The following NYAP2 variants were observed in gnomAD, a reference collection of about 807,000 sequenced individuals.
The protein encoded by NYAP2 is neuronal tyrosine-phosphorylated phosphoinositide-3-kinase adaptor 2.
Under a neutral mutation model 50.4 loss-of-function variants are expected in NYAP2, and 23 were observed. That is an observed-to-expected ratio of 0.46 (90% CI 0.33 to 0.65). The LOEUF is 0.65. Ranked by LOEUF, NYAP2 falls within the 30% of genes least tolerant of loss-of-function variation. The pLI is 0.02. For missense variants in NYAP2, 885 were observed against 861.0 expected (o/e 1.03, Z -0.35); for synonymous variants, 394 against 365.2 (o/e 1.08, Z -0.90).
chr2:225,427,831 A>C (rs751268975), intron 3 of NYAP2, among the ~76,000 whole-genome samples: 56 of 152,168 alleles, frequency 3.7e-4, no homozygotes, highest in Non-Finnish European at 6.9e-4. Context: ...AATAACCTGG[A>C]AGATTTGTAA....
At chr2:225,619,243 T>C (rs968275974) in intron 5 of NYAP2, among the ~76,000 whole-genome samples, 2 of 152,224 alleles carry the variant, frequency 1.3e-5, no homozygotes, top group African/African-American at 2.4e-5. Flanking sequence ...AAGTAGCAAA[T>C]ACATGGCATG....
At chr2:225,483,408 C>T (rs1356119226) in intron 3 of NYAP2, among the ~76,000 whole-genome samples, 1 of 152,090 alleles carries the variant, frequency 6.6e-6, no homozygotes, top group Middle Eastern at 3.4e-3. Context: ...ATCCAAAATC[C>T]CTGCCCTGGT....
intron 4 of NYAP2, among the ~76,000 whole-genome samples, chr2:225,517,901 C>A (rs765204532): frequency 1.3e-5 from 2 of 151,990 alleles, no homozygotes; most frequent in Non-Finnish European, 2.9e-5. Context: ...ATTAAGATAG[C>A]CATTAAGGAA....
At chr2:225,555,603 C>CT (rs1379644543) in intron 4 of NYAP2, among the ~76,000 whole-genome samples, 1 of 152,166 alleles carries the variant, frequency 6.6e-6, no homozygotes, top group Non-Finnish European at 1.5e-5. Context: ...AAATGTGCAA[C>CT]TAACAGATCT....
chr2:225,512,667 TCTTTGCTTGTCTTG>T (rs981497811), intron 3 of NYAP2, among the ~76,000 whole-genome samples: 12 of 151,056 alleles, frequency 7.9e-5, no homozygotes, highest in Middle Eastern at 3.2e-3. Context: ...CTCCCATCTT[TCTTTGCTTGTCTTG>T]CTTTGCTTGT....
At chr2:225,459,335 G>A (rs952990815) in intron 3 of NYAP2, among the ~76,000 whole-genome samples, 1 of 152,156 alleles carries the variant, frequency 6.6e-6, no homozygotes, top group African/African-American at 2.4e-5. Context: ...AGGATGTCTT[G>A]TTGGTGTTTG....
At chr2:225,543,933 T>C (rs1317378181) in intron 4 of NYAP2, among the ~76,000 whole-genome samples, 1 of 152,112 alleles carries the variant, frequency 6.6e-6, no homozygotes, top group East Asian at 1.9e-4. Flanking sequence ...GATATCTGAA[T>C]GCTCCAGGAT....
At chr2:225,492,758 G>A (rs377133134) in intron 3 of NYAP2, among the ~76,000 whole-genome samples, 53 of 152,178 alleles carry the variant, frequency 3.5e-4, no homozygotes, top group East Asian at 2.7e-3. Context: ...AGAGGGAGAA[G>A]GGGAGGATGC....
intron 4 of NYAP2, among the ~76,000 whole-genome samples, chr2:225,571,490 C>T (rs1452648620): frequency 6.6e-6 from 1 of 152,248 alleles, no homozygotes. Flanking sequence ...TCTGTGCCCC[C>T]ACAGGGCCCA....
chr2:225,590,472 C>G (rs1051594045), intron 5 of NYAP2, among the ~76,000 whole-genome samples: 2 of 152,170 alleles, frequency 1.3e-5, no homozygotes, highest in African/African-American at 2.4e-5. Flanking sequence ...TATTATAGAC[C>G]TATTTAATGA....
intron 3 of NYAP2, among the ~76,000 whole-genome samples, chr2:225,434,611 C>T (rs1689342160): frequency 6.6e-6 from 1 of 152,220 alleles, no homozygotes; most frequent in African/African-American, 2.4e-5. Context: ...TGCTGCATAA[C>T]ACCAGCTGGT....
chr2:225,553,945 G>T (rs544900197), intron 4 of NYAP2, among the ~76,000 whole-genome samples: 3 of 152,104 alleles, frequency 2.0e-5, no homozygotes, highest in Non-Finnish European at 4.4e-5. Flanking sequence ...GCTTGAACTC[G>T]GGAAGCAGAG....
intron 3 of NYAP2, among the ~76,000 whole-genome samples, chr2:225,412,034 A>G (rs1277789755): frequency 6.7e-6 from 1 of 149,822 alleles, no homozygotes; most frequent in Non-Finnish European, 1.5e-5. Context: ...TATATCATTT[A>G]TCACTGCAAC....
At chr2:225,413,982 C>T (rs1461981672) in intron 3 of NYAP2, among the ~76,000 whole-genome samples, 1 of 152,102 alleles carries the variant, frequency 6.6e-6, no homozygotes, top group East Asian at 1.9e-4. Flanking sequence ...AATAGGATTT[C>T]GTATGATTGA....
At chr2:225,575,863 T>C (rs1692161864) in intron 4 of NYAP2, among the ~76,000 whole-genome samples, 1 of 152,234 alleles carries the variant, frequency 6.6e-6, no homozygotes, top group Non-Finnish European at 1.5e-5. Context: ...TGTGTGTGGC[T>C]TAGGGAATTT....
At chr2:225,434,475 A>G (rs1689338156) in intron 3 of NYAP2, among the ~76,000 whole-genome samples, 1 of 152,184 alleles carries the variant, frequency 6.6e-6, no homozygotes. Flanking sequence ...AATTCTTTGA[A>G]TTTTCATGAA....
chr2:225,492,876 C>T (rs759420526), intron 3 of NYAP2, among the ~76,000 whole-genome samples: 1 of 152,176 alleles, frequency 6.6e-6, no homozygotes, highest in Non-Finnish European at 1.5e-5. Flanking sequence ...TGAGGCCACA[C>T]ATTCAACACT....
chr2:225,460,218 C>G (rs1248041630), intron 3 of NYAP2, among the ~76,000 whole-genome samples: 1 of 152,172 alleles, frequency 6.6e-6, no homozygotes, highest in Non-Finnish European at 1.5e-5. Flanking sequence ...ACCAGTCCCC[C>G]TTACAGATAC....
At chr2:225,408,956 A>G in exon 3 of NYAP2, 1 of 1,611,468 alleles carries the variant, frequency 6.2e-7, no homozygotes, top group Non-Finnish European at 8.5e-7. Context: ...CATTGAGGAT[A>G]TGGGGATGAA....
Sources: allele counts gnomAD v4.1 joint callset (sites outside exome capture counted in the v4.1 genomes callset), GRCh38; gene constraint gnomAD v4.1.1; transcripts MANE v1.5; gene names NCBI Gene and HGNC (gene_info 2026-07-23, HGNC 2026-07-21).